DDX39B: variants seen among roughly 807,000 people sequenced by gnomAD.
DDX39B encodes spliceosome RNA helicase DDX39B.
A neutral mutation model predicts 46.4 loss-of-function variants in DDX39B; 6 were observed. The observed-to-expected ratio is 0.13, with a 90% CI of 0.07 to 0.26. DDX39B has a LOEUF of 0.26. Ranked by LOEUF, DDX39B falls within the 10% of genes least tolerant of loss-of-function variation. The pLI is 1.00. For missense variants in DDX39B, 185 were observed against 553.4 expected, an observed-to-expected ratio of 0.33 and a Z score of 6.68; for synonymous variants, 174 against 199.4, an observed-to-expected ratio of 0.87 and a Z score of 1.07.
In DDX39B at chr6:31,531,009, C is replaced by G. The variant is rs747817995; in HGVS notation, c.1122+44G>C. ...GGAATGAAGATGTACAAACAGAAAA[C>G]AAGGGAATGGGAGAGTGGGATTTTT... On this transcript the variant is annotated intron_variant, in intron 9 of 10. Coordinates refer to ENST00000396172, the MANE Select transcript of DDX39B (RefSeq NM_004640.7). The surrounding 1 kb of genome is among the most constrained non-coding windows in gnomAD (Gnocchi z 5.8). 6.2e-7 allele frequency: 1 copy of G among 1,613,404 alleles called. No individual in the cohort carries two copies. Among genetic ancestry groups the G allele is most frequent in the African/African-American group, 1.3e-5 (1 of 74,976 alleles).
chr6:31,541,952 A>C lies in DDX39B; in HGVS notation c.-135T>G, dbSNP rs1768531908. The stretch of plus-strand genomic sequence containing the variant: ...TTGTAGCGAAGGCCAAAGCTTACCT[A>C]AACAGGGAGAGCGCGTATGGCGGCA... On this transcript the variant is annotated splice_region_variant and 5_prime_UTR_variant, in exon 1 of 11. Coordinates refer to ENST00000396172, the MANE Select transcript of DDX39B (RefSeq NM_004640.7). The C allele has an allele frequency of 1.5e-6, 1 of 667,538 alleles. No individual in the cohort carries two copies. Among genetic ancestry groups the C allele is most frequent in the East Asian group, 2.7e-5 (1 of 36,576 alleles). The allele number at this position is 667,538 out of a possible 1,614,324, so 41.4% of individuals were successfully genotyped here. A position where few individuals can be genotyped will look rare whatever the true frequency, so the allele number is the denominator to read the frequency against.
At chr6:31,539,558 T>A (rs1269950879) in intron 2 of DDX39B, among the ~76,000 whole-genome samples, 1 of 152,206 alleles carries the variant, frequency 6.6e-6, no homozygotes, top group African/African-American at 2.4e-5. Flanking sequence ...TCAATGATCC[T>A]AGCTCTGTCC....
chr6:31,535,053 G>A lies in DDX39B; in HGVS notation c.735+314C>T. 2.3e-6 allele frequency: 1 copy of A among 430,834 alleles called. No individual in the cohort carries two copies. The highest frequency in any genetic ancestry group is 4.3e-6 in the Non-Finnish European group (1 of 230,910). The allele number at this position is 430,834 out of a possible 1,614,324, so 26.7% of individuals were successfully genotyped here. On this transcript the variant is annotated intron_variant, in intron 6 of 10. Transcript: ENST00000396172. This position sits in a 1 kb window ranked among gnomAD's most constrained non-coding sequence, Gnocchi z 4.6. ...CATGTAAGAGACGATGGATGGGTGG[G>A]TGGTAGGGCAGAAAAATCCTGCCCT...
intron 5 of DDX39B, among the ~76,000 whole-genome samples, chr6:31,536,212 T>C (rs1417869030): frequency 6.6e-6 from 1 of 152,174 alleles, no homozygotes; most frequent in East Asian, 1.9e-4. Flanking sequence ...TGACTCCCAG[T>C]ATATGAATCT....
rs115959271 is a variant in DDX39B, at chr6:31,539,361, C to T, written c.212-87G>A. The T allele has an allele frequency of 2.9e-3, 4,490 of 1,542,764 alleles. 25 individuals carry two copies. Among genetic ancestry groups the T allele is most frequent in the African/African-American group, 0.023 (1,703 of 73,248 alleles). ...TCACCATGCCAAGCCCATTTCTTAC[C>T]ACTCAATTCTCAAAGTCTAGTATTT... On this transcript the variant is annotated intron_variant, in intron 2 of 10. Transcript: ENST00000396172.
intron 2 of DDX39B, 32 bp downstream of exon 2, chr6:31,540,290 A>C: frequency 6.2e-7 from 1 of 1,605,416 alleles, no homozygotes; most frequent in Non-Finnish European, 8.5e-7. Context: ...TAAAGAGCCC[A>C]ATGAGCACTA....
At chr6:31,532,700 T>C (rs1208840485) in intron 7 of DDX39B, 80 bp downstream of exon 7, 31 of 1,543,722 alleles carry the variant, frequency 2.0e-5, no homozygotes, top group Non-Finnish European at 2.8e-5. Flanking sequence ...ATTTCCTCAA[T>C]AAAAGTGTAC....
rs17207085 is a variant in DDX39B, at chr6:31,535,775, C to A, written c.617-290G>T. Among the ~76,000 whole-genome samples, 2,050 of 152,290 alleles carry A rather than the reference C, an allele frequency of 0.013. 27 individuals carry two copies. Among genetic ancestry groups the A allele is most frequent in the South Asian group, 0.059 (284 of 4,824 alleles). ...TTATGGGACCTTCTCCCAACCCTTT[C>A]CTGCCCAAGCCCCAGCCAGCCTTCA... On this transcript the variant is annotated intron_variant, in intron 5 of 10. Transcript: ENST00000396172. The surrounding 1 kb of genome is among the most constrained non-coding windows in gnomAD (Gnocchi z 4.6).
chr6:31,539,780 C>A (rs1366606846), intron 2 of DDX39B, among the ~76,000 whole-genome samples: 2 of 152,176 alleles, frequency 1.3e-5, no homozygotes, highest in Non-Finnish European at 2.9e-5. Flanking sequence ...AGGGAGACTA[C>A]AGGTCCAAGC....
chr6:31,531,311 A>G lies in DDX39B; in HGVS notation c.962T>C (p.Met321Thr). 6.2e-7 allele frequency: 1 copy of G among 1,614,164 alleles called. No individual in the cohort carries two copies. The highest frequency in any genetic ancestry group is 8.5e-7 in the Non-Finnish European group (1 of 1,180,030). ...NFPAIAIHRG[M>T]PQEERLSRYQ... ...TTCAGCTCACCTCTCCTCCTGGGGC[A>G]TCCCACGGTGGATGGCAATGGCTGG... Residue 321 changes from methionine to threonine, a missense_variant, in exon 8 of 11, where the codon ATG (methionine) becomes ACG (threonine). This residue lies in a region of DDX39B where 110 missense variants were observed against 282.2 expected (regional missense o/e 0.39). Transcript: ENST00000396172. This position sits in a 1 kb window ranked among gnomAD's most constrained non-coding sequence, Gnocchi z 5.8.
chr6:31,540,833 T>C (rs1768332814), intron 1 of DDX39B, 169 bp from the exon 2 acceptor site: 1 of 481,498 alleles, frequency 2.1e-6, no homozygotes, highest in Non-Finnish European at 3.7e-6. Context: ...GAAAAAGCAG[T>C]ACCAGGGAAA....
At chr6:31,541,805 A>C (rs889323254) in intron 1 of DDX39B, 145 bp downstream of exon 1, 2 of 665,978 alleles carry the variant, frequency 3.0e-6, no homozygotes, top group Non-Finnish European at 5.6e-6. Context: ...TGCTCTCGAA[A>C]GGGATGCAAG....
rs1768126243 is a variant in DDX39B at position 31,539,228 on chromosome 6, C to T, written c.258G>A (p.Leu86=). 6.2e-7 allele frequency: 1 copy of T among 1,613,134 alleles called. No homozygotes were observed. The highest frequency in any genetic ancestry group is 1.3e-5 in the African/African-American group (1 of 74,924). The change falls in exon 3 of 11, where the codon CTG becomes CTA. Residue 86 remains leucine, a synonymous_variant. Transcript: ENST00000396172. Reference sequence around the variant, plus strand: ...TTCCCATGCCCGACTTGGCCTGGCACAGGACATCCATTCCCAGAATGGCCT... The same window carrying T: ...TTCCCATGCCCGACTTGGCCTGGCATAGGACATCCATTCCCAGAATGGCCT... ...IPQAILGMDV[L]CQAKSGMGKT...
intron 4 of DDX39B, 149 bp from the exon 5 acceptor site, chr6:31,536,832 G>T: frequency 1.1e-6 from 1 of 951,642 alleles, no homozygotes; most frequent in Non-Finnish European, 1.5e-6. Flanking sequence ...AAAATTTTAT[G>T]TCCCCCCCAC....
At position 31,534,688 on chromosome 6, in the gene DDX39B, G is replaced by A. The variant is rs1217421274; in HGVS notation, c.735+679C>T. On this transcript the variant is annotated intron_variant, in intron 6 of 10. Coordinates refer to ENST00000396172, the MANE Select transcript of DDX39B (RefSeq NM_004640.7). This position sits in a 1 kb window ranked among gnomAD's most constrained non-coding sequence, Gnocchi z 5.1. Reference sequence around the variant, plus strand: ...CAGCTTCCTGGTCAGGTTTCCCCGCGGCCTCCGCTGCCGCCATCCACCGCT... The same window carrying A: ...CAGCTTCCTGGTCAGGTTTCCCCGCAGCCTCCGCTGCCGCCATCCACCGCT... The A allele has an allele frequency of 1.1e-5, 4 of 355,974 alleles. No individual in the cohort carries two copies. Among genetic ancestry groups the A allele is most frequent in the East Asian group, 7.4e-5 (1 of 13,556 alleles). 22.1% of individuals were successfully genotyped at this position (355,974 alleles called of 1,614,324 possible). A position where few individuals can be genotyped will look rare whatever the true frequency, so the allele number is the denominator to read the frequency against.
intron 7 of DDX39B, 143 bp downstream of exon 7, chr6:31,532,637 T>A (rs1360402169): frequency 6.5e-6 from 7 of 1,082,600 alleles, no homozygotes; most frequent in Non-Finnish European, 9.2e-6. Context: ...TTACTCATGC[T>A]CAGCCCCTAA....
In DDX39B at chr6:31,540,664, G is replaced by A; in HGVS notation, c.-132C>T. On this transcript the variant is annotated splice_region_variant and 5_prime_UTR_variant, in exon 2 of 11. Coordinates refer to ENST00000396172, the MANE Select transcript of DDX39B (RefSeq NM_004640.7). ...CAAAGATACTATTTCTAACAGAAGA[G>A]CTGGAGGGGGGAAAAAAAAAAGCAA... is the stretch of plus-strand genomic sequence containing the variant. 2 of 746,636 alleles carry A rather than the reference G, an allele frequency of 2.7e-6. No homozygotes were observed. The highest frequency in any genetic ancestry group is 4.0e-6 in the Non-Finnish European group (2 of 495,646). 46.3% of individuals were successfully genotyped at this position (746,636 alleles called of 1,614,324 possible). A position where few individuals can be genotyped will look rare whatever the true frequency, so the allele number is the denominator to read the frequency against.
rs766755189 is a variant in DDX39B at position 31,535,263 on chromosome 6, G to A, written c.735+104C>T. 2.1e-5 allele frequency: 24 copies of A among 1,139,602 alleles called. No individual in the cohort carries two copies. Among genetic ancestry groups the A allele is most frequent in the Non-Finnish European group, 3.1e-5 (23 of 753,696 alleles). 70.6% of individuals were successfully genotyped at this position (1,139,602 alleles called of 1,614,324 possible). ...CATTACTCCCAGTTGGGCACAAGCC[G>A]CCTTCTTGGCACTTGAATGACAAGG... On this transcript the variant is annotated intron_variant, in intron 6 of 10. Transcript: ENST00000396172. The surrounding 1 kb of genome is among the most constrained non-coding windows in gnomAD (Gnocchi z 4.6).
chr6:31,536,399 AGAG>A (rs1256464564), intron 5 of DDX39B, 98 bp downstream of exon 5: 11 of 1,535,168 alleles, frequency 7.2e-6, no homozygotes, highest in Non-Finnish European at 9.8e-6. Context: ...GTGATAGATA[AGAG>A]TCGTCCTTGC....
Sources: gnomAD v4.1 joint callset for allele counts (sites outside exome capture counted in the v4.1 genomes callset) on GRCh38, gnomAD v4.1.1 for gene constraint, gnomAD v4.1.1 regional missense constraint, Gnocchi (gnomAD v3.1) non-coding constraint, MANE v1.5 for transcripts, NCBI Gene and HGNC (gene_info 2026-07-23, HGNC 2026-07-21) for gene names.